GADL1: variants seen among roughly 807,000 people sequenced by gnomAD.
GADL1 encodes the protein acidic amino acid decarboxylase GADL1.
Under a neutral mutation model 69.5 loss-of-function variants are expected in GADL1, and 71 were observed. The ratio of observed to expected loss-of-function variants is 1.02; its 90% confidence interval spans 0.84 to 1.25. GADL1 has a LOEUF of 1.25. Among genes scored for constraint, GADL1 ranks in the 50% most tolerant of loss-of-function variants. The pLI, the probability that GADL1 is intolerant of heterozygous loss-of-function variation, is 0.00. For synonymous variants in GADL1, 254 were observed against 214.4 expected, an observed-to-expected ratio of 1.18 and a Z score of -1.62; for missense variants, 737 against 631.8, an observed-to-expected ratio of 1.17 and a Z score of -1.79.
rs1698019722 is a variant in GADL1 at position 30,844,333 on chromosome 3, A to G, written c.731+54T>C. On this transcript the variant is annotated intron_variant, in intron 7 of 14. Transcript: ENST00000282538. ...AACAGATAATGATACTGCTTTATAA[A>G]CCATATAAACTTTTCCCTCCACCCA... 4 of 1,551,660 alleles carry G rather than the reference A, an allele frequency of 2.6e-6. No individual in the cohort carries two copies. The South Asian group carries it at 3.4e-5, about 13-fold the overall frequency.
At chr3:30,742,324 G>A (rs1449925588) in intron 14 of GADL1, among the ~76,000 whole-genome samples, 1 of 151,128 alleles carries the variant, frequency 6.6e-6, no homozygotes, top group Non-Finnish European at 1.5e-5. Flanking sequence ...TTCTTCCATA[G>A]ATATTATACT....
chr3:30,751,411 G>C (rs1387004332), intron 14 of GADL1, among the ~76,000 whole-genome samples: 1 of 151,528 alleles, frequency 6.6e-6, no homozygotes, highest in Non-Finnish European at 1.5e-5. Context: ...TCCTTACTCC[G>C]TTCTTCTGTT....
chr3:30,783,941 A>G (rs1458911355), intron 13 of GADL1, among the ~76,000 whole-genome samples: 3 of 152,190 alleles, frequency 2.0e-5, no homozygotes, highest in African/African-American at 7.2e-5. Flanking sequence ...AGCTCTGTCA[A>G]AAGACTGTAC....
intron 4 of GADL1, among the ~76,000 whole-genome samples, chr3:30,853,942 T>A (rs1698187532): frequency 6.6e-6 from 1 of 152,110 alleles, no homozygotes; most frequent in South Asian, 2.1e-4. Context: ...GGCTTTTTGT[T>A]ACATTTAGAA....
intron 11 of GADL1, among the ~76,000 whole-genome samples, chr3:30,807,023 C>T (rs570326378): frequency 6.6e-6 from 1 of 152,302 alleles, no homozygotes; most frequent in South Asian, 2.1e-4. Context: ...AAGCCTGTCA[C>T]TTAACATCTT....
At chr3:30,760,765 A>G (rs1696106586) in intron 14 of GADL1, among the ~76,000 whole-genome samples, 1 of 152,160 alleles carries the variant, frequency 6.6e-6, no homozygotes, top group Non-Finnish European at 1.5e-5. Context: ...CCCTGAATTG[A>G]TTCTCTAATC....
At chr3:30,765,604 G>A (rs1250109994) in intron 14 of GADL1, among the ~76,000 whole-genome samples, 1 of 152,212 alleles carries the variant, frequency 6.6e-6, no homozygotes, top group African/African-American at 2.4e-5. Flanking sequence ...GCCCTCAGAA[G>A]GGCATGCTTG....
chr3:30,775,487 ATT>A (rs1455276998), intron 14 of GADL1, among the ~76,000 whole-genome samples: 1 of 152,196 alleles, frequency 6.6e-6, no homozygotes, highest in Non-Finnish European at 1.5e-5. Flanking sequence ...CCCTTGCCAA[ATT>A]CATGCACACT....
At chr3:30,841,143 G>A (rs1697958514) in intron 8 of GADL1, among the ~76,000 whole-genome samples, 1 of 152,016 alleles carries the variant, frequency 6.6e-6, no homozygotes. Context: ...AAAACAACTA[G>A]GCCTGAAGCT....
At chr3:30,833,547 A>G (rs1334744776) in intron 11 of GADL1, among the ~76,000 whole-genome samples, 1 of 152,112 alleles carries the variant, frequency 6.6e-6, no homozygotes, top group African/African-American at 2.4e-5. Context: ...GGAGAAAAAA[A>G]TCTTGGCAAT....
At chr3:30,803,181 T>A (rs1326154334) in intron 11 of GADL1, among the ~76,000 whole-genome samples, 1 of 152,192 alleles carries the variant, frequency 6.6e-6, no homozygotes, top group African/African-American at 2.4e-5. Flanking sequence ...CAGATTGCTC[T>A]GACCTGAACA....
chr3:30,760,251 T>C (rs1696095739), intron 14 of GADL1, among the ~76,000 whole-genome samples: 2 of 152,218 alleles, frequency 1.3e-5, no homozygotes, highest in African/African-American at 4.8e-5. Context: ...TTCGTTTCCA[T>C]AGCAATACAT....
At chr3:30,886,760 A>G (rs189140193) in intron 1 of GADL1, among the ~76,000 whole-genome samples, 159 of 152,308 alleles carry the variant, frequency 1.0e-3, no homozygotes, top group Non-Finnish European at 2.0e-3. Context: ...CTGGGTCCCA[A>G]TCTATATTGT....
chr3:30,877,285 A>G (rs928994990), intron 1 of GADL1, among the ~76,000 whole-genome samples: 1 of 151,920 alleles, frequency 6.6e-6, no homozygotes, highest in Non-Finnish European at 1.5e-5. Context: ...ACTAACACAC[A>G]TGAAACAATA....
chr3:30,890,039 C>G (rs9822397), intron 1 of GADL1, among the ~76,000 whole-genome samples: 11,421 of 152,158 alleles, frequency 0.075, 1,349 homozygotes, highest in African/African-American at 0.25. Flanking sequence ...ATTCTATACT[C>G]TACCATAATT....
At chr3:30,839,154 C>T (rs771146628) in intron 8 of GADL1, 41 bp from the exon 9 acceptor site, 1 of 1,308,798 alleles carries the variant, frequency 7.6e-7, no homozygotes, top group South Asian at 1.6e-5. Flanking sequence ...TCACTGTCAT[C>T]ACTAAATTTG....
intron 14 of GADL1, among the ~76,000 whole-genome samples, chr3:30,739,311 G>A (rs113776488): frequency 4.6e-5 from 7 of 152,020 alleles, no homozygotes; most frequent in South Asian, 2.1e-4. Context: ...TCCTGTATTC[G>A]CCATCCTGCA....
chr3:30,762,697 C>G (rs1222864521), intron 14 of GADL1, among the ~76,000 whole-genome samples: 9 of 151,478 alleles, frequency 5.9e-5, no homozygotes, highest in Admixed American at 5.9e-4. Context: ...CATAATAGGT[C>G]TCCTTCATTC....
chr3:30,737,479 T>G (rs1203134030), intron 14 of GADL1, among the ~76,000 whole-genome samples: 2 of 152,178 alleles, frequency 1.3e-5, no homozygotes, highest in African/African-American at 4.8e-5. Flanking sequence ...TAGTTTTGAT[T>G]GCTCAAAGAA....
Sources: allele counts gnomAD v4.1 joint callset (sites outside exome capture counted in the v4.1 genomes callset), GRCh38; gene constraint gnomAD v4.1.1; transcripts MANE v1.5; gene names NCBI Gene and HGNC (gene_info 2026-07-23, HGNC 2026-07-21).